Variants in ARHGAP10 observed in about 807,000 individuals in gnomAD.
ARHGAP10 encodes Rho GTPase activating protein 10.
A neutral mutation model predicts 108.6 loss-of-function variants in ARHGAP10; 87 were observed. That is an observed-to-expected ratio of 0.80 (90% confidence interval 0.67 to 0.96). The LOEUF is 0.96. Among genes scored for constraint, ARHGAP10 ranks in the 40% least tolerant of loss-of-function variants. ARHGAP10 has a pLI of 0.00. For missense variants in ARHGAP10, 939 were observed against 954.5 expected (o/e 0.98, Z 0.21); for synonymous variants, 347 against 341.1 (o/e 1.02, Z -0.19).
chr4:147,753,129 T>C (rs988002886), intron 1 of ARHGAP10, among the ~76,000 whole-genome samples: 14 of 152,282 alleles, frequency 9.2e-5, no homozygotes, highest in African/African-American at 3.4e-4. Context: ...AGCCAGTAAA[T>C]ACTGAATTTA....
intron 13 of ARHGAP10, among the ~76,000 whole-genome samples, chr4:147,919,726 G>A (rs1419109449): frequency 6.6e-6 from 1 of 152,040 alleles, no homozygotes; most frequent in African/African-American, 2.4e-5. Flanking sequence ...TTACAGGCGT[G>A]TGCCACAATA....
intron 17 of ARHGAP10, among the ~76,000 whole-genome samples, 163 bp from the exon 18 acceptor site, chr4:147,966,517 G>T (rs1444524633): frequency 1.3e-5 from 2 of 152,194 alleles, no homozygotes; most frequent in African/African-American, 4.8e-5. Context: ...AGGAGCATCT[G>T]CATGGAGGGT....
chr4:147,971,523 C>T lies in ARHGAP10; in HGVS notation c.1716+4684C>T, dbSNP rs533216763. Among the ~76,000 whole-genome samples the T allele has an allele frequency of 3.9e-5, 6 of 152,246 alleles. No individual in the cohort carries two copies. The South Asian group carries it at 1.2e-3, about 32-fold the overall frequency. ...CTGCAGGGAATCTGGAAAGTTTCCC[C>T]AGTAAGTGTTTTGAATCAGTTTTAT... On this transcript the variant is annotated intron_variant, in intron 18 of 22. Coordinates refer to ENST00000336498, the MANE Select transcript of ARHGAP10 (RefSeq NM_024605.4).
intron 18 of ARHGAP10, among the ~76,000 whole-genome samples, chr4:147,975,507 G>A (rs1481132825): frequency 6.6e-6 from 1 of 152,194 alleles, no homozygotes; most frequent in Non-Finnish European, 1.5e-5. Context: ...AAGCTGGAAA[G>A]CCCAAGGTTG....
intron 4 of ARHGAP10, 110 bp downstream of exon 4, chr4:147,847,332 G>GTTTGCTTTGAAATGTGCAAAAAATGT: frequency 9.9e-7 from 1 of 1,008,976 alleles, no homozygotes; most frequent in South Asian, 1.6e-5. Flanking sequence ...CAAACCATCT[G>GTTTGCTTTGAAATGTGCAAAAAATGT]TTGTTTTGTT....
intron 18 of ARHGAP10, 188 bp from the exon 19 acceptor site, chr4:148,023,075 T>G (rs1741630104): frequency 9.7e-6 from 5 of 516,340 alleles, no homozygotes; most frequent in Non-Finnish European, 1.7e-5. Flanking sequence ...TCAGAGATTT[T>G]ATTTTGGAAT....
chr4:147,932,356 T>A (rs1419151895), intron 13 of ARHGAP10, among the ~76,000 whole-genome samples: 1 of 152,188 alleles, frequency 6.6e-6, no homozygotes, highest in African/African-American at 2.4e-5. Flanking sequence ...CATGCATATG[T>A]TCACTACATT....
chr4:147,921,867 C>T (rs1737246041), intron 13 of ARHGAP10, among the ~76,000 whole-genome samples: 1 of 152,004 alleles, frequency 6.6e-6, no homozygotes, highest in South Asian at 2.1e-4. Flanking sequence ...AGTAGCTTTA[C>T]ACCACCTTTC....
intron 16 of ARHGAP10, among the ~76,000 whole-genome samples, chr4:147,958,232 T>G: frequency 6.6e-6 from 1 of 152,236 alleles, no homozygotes; most frequent in East Asian, 1.9e-4. Context: ...TGTATCATTT[T>G]GATAAGAGTG....
intron 3 of ARHGAP10, among the ~76,000 whole-genome samples, chr4:147,839,092 GTATCTATC>G (rs139337846): frequency 0.08 from 11,478 of 143,806 alleles, 592 homozygotes; most frequent in African/African-American, 0.14. Flanking sequence ...TAGATCTATC[GTATCTATC>G]TATCTATCTA....
intron 13 of ARHGAP10, among the ~76,000 whole-genome samples, chr4:147,913,917 C>T (rs1336184017): frequency 6.6e-6 from 1 of 152,178 alleles, no homozygotes; most frequent in Non-Finnish European, 1.5e-5. Flanking sequence ...CTTTGGGAGG[C>T]TGCGGTGGGC....
chr4:148,039,471 T>C (rs1728537169), intron 19 of ARHGAP10, among the ~76,000 whole-genome samples: 1 of 151,002 alleles, frequency 6.6e-6, no homozygotes, highest in Non-Finnish European at 1.5e-5. Flanking sequence ...TTTTTTTCTT[T>C]GTATTTTTAG....
intron 1 of ARHGAP10, among the ~76,000 whole-genome samples, chr4:147,781,941 G>A (rs892598376): frequency 6.6e-6 from 1 of 151,950 alleles, no homozygotes; most frequent in Non-Finnish European, 1.5e-5. Flanking sequence ...TTTCCACATT[G>A]GAAAACTGAC....
intron 3 of ARHGAP10, among the ~76,000 whole-genome samples, chr4:147,830,178 A>C (rs180902677): frequency 6.6e-6 from 1 of 152,288 alleles, no homozygotes; most frequent in African/African-American, 2.4e-5. Flanking sequence ...TTTCTCTACC[A>C]CAGACTTTAC....
intron 7 of ARHGAP10, among the ~76,000 whole-genome samples, chr4:147,871,046 G>A (rs984400020): frequency 1.3e-5 from 2 of 151,224 alleles, no homozygotes; most frequent in Non-Finnish European, 1.5e-5. Context: ...TGTAAGCTCC[G>A]CCTCCTGGGT....
intron 1 of ARHGAP10, among the ~76,000 whole-genome samples, chr4:147,791,549 C>T (rs1046079036): frequency 2.6e-5 from 4 of 151,712 alleles, no homozygotes; most frequent in Non-Finnish European, 5.9e-5. Flanking sequence ...CGCGTGCGTG[C>T]GCGCGTGTAT....
chr4:147,930,475 A>G (rs982703047), intron 13 of ARHGAP10, among the ~76,000 whole-genome samples: 3 of 152,236 alleles, frequency 2.0e-5, no homozygotes, highest in East Asian at 1.9e-4. Context: ...AGCTGAAAAG[A>G]TAAGAAAGAA....
intron 10 of ARHGAP10, among the ~76,000 whole-genome samples, chr4:147,899,722 G>GAA (rs5862816): frequency 4.0e-5 from 6 of 151,750 alleles, no homozygotes; most frequent in Non-Finnish European, 7.4e-5. Context: ...ATCATCTCTG[G>GAA]AAAAAATGCA....
At chr4:148,057,839 C>T (rs1189892052) in intron 20 of ARHGAP10, among the ~76,000 whole-genome samples, 1 of 152,212 alleles carries the variant, frequency 6.6e-6, no homozygotes, top group East Asian at 1.9e-4. Flanking sequence ...TCCTGGGTGT[C>T]CCCAGGGACT....
Sources: gnomAD v4.1 joint callset for allele counts (sites outside exome capture counted in the v4.1 genomes callset) on GRCh38, gnomAD v4.1.1 for gene constraint, MANE v1.5 for transcripts, NCBI Gene and HGNC (gene_info 2026-07-23, HGNC 2026-07-21) for gene names.